The following CADPS2 variants were observed in gnomAD, a reference collection of about 807,000 sequenced individuals.
CADPS2 encodes the protein calcium dependent secretion activator 2, also known as calcium-dependent secretion activator 2.
CADPS2 carries 93 observed loss-of-function variants against 172.5 expected under a neutral mutation model. The ratio of observed to expected loss-of-function variants is 0.54; its 90% CI spans 0.46 to 0.64. CADPS2 has a LOEUF of 0.64. Among genes scored for constraint, CADPS2 ranks in the 30% least tolerant of loss-of-function variants. The pLI is 0.00. For synonymous variants in CADPS2, 546 were observed against 555.2 expected, an observed-to-expected ratio of 0.98 and a Z score of 0.23; for missense variants, 1,420 against 1,565.9, an observed-to-expected ratio of 0.91 and a Z score of 1.57.
At chr7:122,385,382 C>T (rs2043504065) in intron 24 of CADPS2, among the ~76,000 whole-genome samples, 1 of 151,730 alleles carries the variant, frequency 6.6e-6, no homozygotes, top group Non-Finnish European at 1.5e-5. Context: ...ATGTCTATAC[C>T]TGGGGCAATA....
intron 1 of CADPS2, chr7:122,849,674 G>C (rs1584910048): frequency 3.1e-6 from 1 of 320,346 alleles, no homozygotes; most frequent in East Asian, 1.1e-4. Flanking sequence ...CTATAAAAGA[G>C]GCATTTGATT....
chr7:122,696,033 T>A (rs969806503), intron 2 of CADPS2, among the ~76,000 whole-genome samples: 1 of 152,166 alleles, frequency 6.6e-6, no homozygotes, highest in Non-Finnish European at 1.5e-5. Context: ...TACAGATGCA[T>A]TCATTGTCAT....
chr7:122,579,988 TCA>T (rs1182305554), intron 7 of CADPS2, among the ~76,000 whole-genome samples: 1 of 152,070 alleles, frequency 6.6e-6, no homozygotes, highest in African/African-American at 2.4e-5. Flanking sequence ...AATCCTGACT[TCA>T]GTTTTTTAAA....
At chr7:122,820,556 G>GTTTTT (rs551121404) in intron 1 of CADPS2, among the ~76,000 whole-genome samples, 21 of 86,520 alleles carry the variant, frequency 2.4e-4, no homozygotes, top group African/African-American at 3.6e-4. Context: ...TTTGTTTTTT[G>GTTTTT]TTTTTTTTTT....
chr7:122,534,868 G>C (rs764428710), intron 8 of CADPS2, among the ~76,000 whole-genome samples: 25 of 152,090 alleles, frequency 1.6e-4, no homozygotes, highest in Non-Finnish European at 2.9e-4. Context: ...CAGTTTCTGA[G>C]TATGTGGCAA....
At chr7:122,419,849 C>A (rs2151797467) in intron 17 of CADPS2, among the ~76,000 whole-genome samples, 1 of 152,188 alleles carries the variant, frequency 6.6e-6, no homozygotes, top group South Asian at 2.1e-4. Flanking sequence ...TAGGGACTAG[C>A]ACTATTTGAA....
intron 20 of CADPS2, 84 bp downstream of exon 20, chr7:122,407,456 T>G: frequency 7.1e-7 from 1 of 1,404,934 alleles, no homozygotes; most frequent in South Asian, 1.4e-5. Context: ...CAGGCCGGTG[T>G]GAGGGCACAG....
chr7:122,826,990 C>G (rs1563115574), intron 1 of CADPS2, among the ~76,000 whole-genome samples: 1 of 151,988 alleles, frequency 6.6e-6, no homozygotes, highest in Non-Finnish European at 1.5e-5. Flanking sequence ...CAAACAAAAG[C>G]TGGATCTTGG....
chr7:122,784,292 T>G lies in CADPS2; in HGVS notation c.340-47224A>C, dbSNP rs12706447. On this transcript the variant is annotated intron_variant, in intron 1 of 29. Coordinates refer to ENST00000449022, the MANE Select transcript of CADPS2 (RefSeq NM_017954.11). ...CCAACTTTCAGGTCGTTGGGTACTG[T>G]TTACTTTTAGATTTTTGAGGAAGTT... 5.7e-3 allele frequency among the ~76,000 whole-genome samples: 864 copies of G among 152,336 alleles called. 5 individuals are homozygous for G. Among genetic ancestry groups the G allele is most frequent in the South Asian group, 9.9e-3 (48 of 4,828 alleles).
At chr7:122,739,892 A>C (rs903093718) in intron 1 of CADPS2, among the ~76,000 whole-genome samples, 8 of 152,178 alleles carry the variant, frequency 5.3e-5, no homozygotes, top group Admixed American at 3.9e-4. Flanking sequence ...ACCGAAATAC[A>C]ATCAGAAATG....
chr7:122,742,559 C>A (rs774341893), intron 1 of CADPS2, among the ~76,000 whole-genome samples: 1 of 152,110 alleles, frequency 6.6e-6, no homozygotes, highest in Non-Finnish European at 1.5e-5. Flanking sequence ...GTGTGGCCAA[C>A]AGAGAGATAA....
intron 1 of CADPS2, among the ~76,000 whole-genome samples, chr7:122,858,045 C>G (rs1366224209): frequency 6.6e-6 from 1 of 152,226 alleles, no homozygotes; most frequent in African/African-American, 2.4e-5. Flanking sequence ...GGGACCCTAG[C>G]AGGTTGCTGC....
chr7:122,432,652 A>T (rs1030588596), intron 17 of CADPS2, among the ~76,000 whole-genome samples: 1 of 151,068 alleles, frequency 6.6e-6, no homozygotes, highest in Non-Finnish European at 1.5e-5. Flanking sequence ...ATAAAAAAAA[A>T]AAAAAAAAAG....
At chr7:122,362,490 C>T (rs2040287320) in intron 25 of CADPS2, among the ~76,000 whole-genome samples, 1 of 151,824 alleles carries the variant, frequency 6.6e-6, no homozygotes, top group African/African-American at 2.4e-5. Context: ...CTTTATATTT[C>T]TATGAAATAA....
At chr7:122,585,542 T>C (rs1459796652) in intron 6 of CADPS2, 1 of 151,776 alleles carries the variant, frequency 6.6e-6, no homozygotes, top group Non-Finnish European at 1.5e-5. Flanking sequence ...TCTCCTTATT[T>C]TCTACTTAAT....
chr7:122,867,353 T>C (rs745398762), intron 1 of CADPS2, among the ~76,000 whole-genome samples: 1 of 152,166 alleles, frequency 6.6e-6, no homozygotes, highest in Non-Finnish European at 1.5e-5. Context: ...ATAATCCAGT[T>C]GAAAGACTCC....
chr7:122,515,665 T>C (rs73717660), intron 8 of CADPS2, among the ~76,000 whole-genome samples: 1 of 152,062 alleles, frequency 6.6e-6, no homozygotes. Flanking sequence ...AAGTAAATAG[T>C]GATACACAAA....
chr7:122,879,017 C>T (rs533353194), intron 1 of CADPS2, among the ~76,000 whole-genome samples: 35 of 152,094 alleles, frequency 2.3e-4, no homozygotes, highest in Non-Finnish European at 4.0e-4. Context: ...GGGCAGATCA[C>T]CTGAGGCCAG....
chr7:122,878,347 C>G (rs1821845696), intron 1 of CADPS2, among the ~76,000 whole-genome samples: 1 of 150,584 alleles, frequency 6.6e-6, no homozygotes, highest in African/African-American at 2.4e-5. Flanking sequence ...ATAACCACAC[C>G]AGAAATTAAA....
Sources: gnomAD v4.1 joint callset for allele counts (sites outside exome capture counted in the v4.1 genomes callset) on GRCh38, gnomAD v4.1.1 for gene constraint, MANE v1.5 for transcripts, NCBI Gene and HGNC (gene_info 2026-07-23, HGNC 2026-07-21) for gene names.